The following GBE1 variants were observed in gnomAD, a reference collection of about 807,000 sequenced individuals.
The protein encoded by GBE1 is 1,4-alpha-glucan branching enzyme 1, also known as 1,4-alpha-glucan-branching enzyme.
In GBE1, 70 loss-of-function variants were observed where a neutral mutation model predicts 88.8. That is an observed-to-expected ratio of 0.79 (90% CI 0.65 to 0.96). The LOEUF is 0.96. Among genes scored for constraint, GBE1 ranks in the 40% least tolerant of loss-of-function variants. The pLI, the probability that GBE1 is intolerant of heterozygous loss-of-function variation, is 0.00. For synonymous variants in GBE1, 284 were observed against 300.1 expected, an observed-to-expected ratio of 0.95 and a Z score of 0.56; for missense variants, 872 against 871.0, an observed-to-expected ratio of 1.00 and a Z score of -0.01.
chr3:81,698,225 T>A (rs776518610), intron 2 of GBE1, among the ~76,000 whole-genome samples: 1 of 151,868 alleles, frequency 6.6e-6, no homozygotes, highest in Non-Finnish European at 1.5e-5. Flanking sequence ...GGTATGTATG[T>A]TGAAAATATT....
chr3:81,558,938 T>C (rs1703384357), intron 12 of GBE1, among the ~76,000 whole-genome samples: 2 of 152,104 alleles, frequency 1.3e-5, no homozygotes, highest in South Asian at 4.1e-4. Context: ...CCTTTGATGT[T>C]ATATTTGCCC....
At chr3:81,730,364 C>A (rs1200537741) in intron 1 of GBE1, among the ~76,000 whole-genome samples, 1 of 152,044 alleles carries the variant, frequency 6.6e-6, no homozygotes, top group African/African-American at 2.4e-5. Flanking sequence ...GAATGTGGGT[C>A]CAGGAATGAA....
chr3:81,613,148 CTTT>C (rs75197014), intron 7 of GBE1: 411 of 226,914 alleles, frequency 1.8e-3, no homozygotes, highest in South Asian at 4.5e-3. Context: ...AAGCTGCAGT[CTTT>C]TTTTTTTTTT....
At chr3:81,646,069 C>T (rs1225176188) in intron 6 of GBE1, among the ~76,000 whole-genome samples, 2 of 152,146 alleles carry the variant, frequency 1.3e-5, no homozygotes, top group African/African-American at 2.4e-5. Flanking sequence ...TTCCAGAAAA[C>T]GATGTGCTCT....
Position 81,745,158 on chromosome 3 carries a change from T to A in GBE1, c.143+16217A>T, listed in dbSNP as rs557028872. Among the ~76,000 whole-genome samples, 10 of 152,246 alleles carry A rather than the reference T, an allele frequency of 6.6e-5. No individual in the cohort carries two copies. The East Asian group carries it at 1.9e-3, about 29-fold the overall frequency. ...GTGTTAGGAATAAACTTCTTACAAA[T>A]CTGCAACAGTAAAACTCATAGTACA... On this transcript the variant is annotated intron_variant, in intron 1 of 15. Transcript: ENST00000429644.
intron 14 of GBE1, among the ~76,000 whole-genome samples, chr3:81,505,192 A>G (rs1469866683): frequency 6.6e-6 from 1 of 152,204 alleles, no homozygotes; most frequent in Admixed American, 6.5e-5. Context: ...GTTATTTTAT[A>G]TTTAATTCTT....
At chr3:81,677,326 A>G (rs1257479500) in intron 2 of GBE1, among the ~76,000 whole-genome samples, 1 of 152,194 alleles carries the variant, frequency 6.6e-6, no homozygotes, top group Admixed American at 6.5e-5. Context: ...AAAGGCTAAT[A>G]TAAAGTCAGT....
At chr3:81,619,184 C>T (rs1576172404) in intron 7 of GBE1, among the ~76,000 whole-genome samples, 1 of 22,412 alleles carries the variant, frequency 4.5e-5, no homozygotes. Context: ...ATTCTGCAGA[C>T]CCCTCAGCAC....
chr3:81,569,251 T>G (rs1252676362), intron 12 of GBE1, among the ~76,000 whole-genome samples: 1 of 152,206 alleles, frequency 6.6e-6, no homozygotes, highest in African/African-American at 2.4e-5. Flanking sequence ...AAAACTAATT[T>G]AAATGTAGGA....
chr3:81,748,208 C>T (rs1282269804), intron 1 of GBE1, among the ~76,000 whole-genome samples: 1 of 152,086 alleles, frequency 6.6e-6, no homozygotes, highest in Non-Finnish European at 1.5e-5. Flanking sequence ...CCAAAGAAAA[C>T]GTACAAATAG....
chr3:81,666,960 G>A (rs564064074), intron 3 of GBE1, among the ~76,000 whole-genome samples: 1 of 152,162 alleles, frequency 6.6e-6, no homozygotes. Flanking sequence ...AAGACTTATA[G>A]TATTTAGATT....
chr3:81,548,787 C>T (rs1039472722), intron 12 of GBE1, among the ~76,000 whole-genome samples: 8 of 150,586 alleles, frequency 5.3e-5, no homozygotes, highest in African/African-American at 1.9e-4. Flanking sequence ...ATGTTTATGA[C>T]TATCAAGCAG....
intron 1 of GBE1, among the ~76,000 whole-genome samples, chr3:81,755,332 G>C (rs1271253430): frequency 6.6e-6 from 1 of 152,018 alleles, no homozygotes; most frequent in Admixed American, 6.6e-5. Context: ...TGCTGGTTAG[G>C]ATGTGCAGAA....
At chr3:81,637,505 CATAGT>C (rs1464110334) in intron 7 of GBE1, among the ~76,000 whole-genome samples, 3 of 152,186 alleles carry the variant, frequency 2.0e-5, no homozygotes, top group Non-Finnish European at 4.4e-5. Context: ...AAAAATGCAG[CATAGT>C]ATATGTGTAT....
intron 1 of GBE1, among the ~76,000 whole-genome samples, chr3:81,739,444 C>T (rs1706317531): frequency 6.6e-6 from 1 of 152,084 alleles, no homozygotes; most frequent in African/African-American, 2.4e-5. Flanking sequence ...TTATATACTA[C>T]AATTTATCAC....
Position 81,591,149 on chromosome 3 carries a change from C to A in GBE1, c.1124G>T (p.Gly375Val), listed in dbSNP as rs1327942137. 6.2e-7 allele frequency: 1 copy of A among 1,601,678 alleles called. No homozygotes were observed. The highest frequency in any genetic ancestry group is 1.7e-5 in the Admixed American group (1 of 58,552). The part of the protein sequence containing the change: ...HHHGVGQGFS[G>V]DYSEYFGLQV... ...TAGTCCGAAATATTCACTGTAATCA[C>A]CTGAGAAACCTTGACCTTAGAAAAA... Residue 375 changes from glycine (G) to valine (V), a missense_variant, in exon 9 of 16, where the codon GGT becomes GTT. Gly to Val is a moderately radical substitution (Grantham distance 109). Transcript: ENST00000429644.
chr3:81,574,450 T>A (rs1703617851), intron 12 of GBE1, among the ~76,000 whole-genome samples: 1 of 152,216 alleles, frequency 6.6e-6, no homozygotes, highest in Non-Finnish European at 1.5e-5. Flanking sequence ...GAAGGCATAG[T>A]TGATGCATCT....
At chr3:81,668,248 G>A (rs776563373) in intron 3 of GBE1, among the ~76,000 whole-genome samples, 7 of 152,002 alleles carry the variant, frequency 4.6e-5, no homozygotes, top group Non-Finnish European at 8.8e-5. Flanking sequence ...CTCAGAGAAC[G>A]GGTCAGTAGG....
chr3:81,750,659 G>GTATATATATATATATATATGTATA (rs1553696645), intron 1 of GBE1, among the ~76,000 whole-genome samples: 1 of 35,306 alleles, frequency 2.8e-5, no homozygotes, highest in African/African-American at 2.2e-4. Context: ...ATATATATAT[G>GTATATATATATATATATATGTATA]TATATATATA....
Sources: gnomAD v4.1 joint callset for allele counts (sites outside exome capture counted in the v4.1 genomes callset) on GRCh38, gnomAD v4.1.1 for gene constraint, MANE v1.5 for transcripts, NCBI Gene and HGNC (gene_info 2026-07-23, HGNC 2026-07-21) for gene names.